OLFM3: variants seen among roughly 807,000 people sequenced by gnomAD.
OLFM3 encodes the protein olfactomedin 3.
OLFM3 carries 20 observed loss-of-function variants against 48.6 expected under a neutral mutation model. The ratio of observed to expected loss-of-function variants is 0.41; its 90% CI spans 0.29 to 0.60. The LOEUF (loss-of-function observed/expected upper bound fraction) is 0.60, where lower values mean the gene tolerates loss of function less well. OLFM3 is among the 20% of genes least tolerant of loss of function. The pLI is 0.28. For synonymous variants in OLFM3, 222 were observed against 198.1 expected, an observed-to-expected ratio of 1.12 and a Z score of -1.01; for missense variants, 437 against 544.3, an observed-to-expected ratio of 0.80 and a Z score of 1.96.
intron 1 of OLFM3, chr1:101,893,978 G>C (rs146055697): frequency 6.5e-6 from 1 of 153,454 alleles, no homozygotes; most frequent in Non-Finnish European, 1.5e-5. Flanking sequence ...AGCAAATGTG[G>C]GACCATTACA....
chr1:101,961,639 A>C (rs1474911826), intron 1 of OLFM3, among the ~76,000 whole-genome samples: 2 of 152,184 alleles, frequency 1.3e-5, no homozygotes, highest in Non-Finnish European at 2.9e-5. Flanking sequence ...TAGTATTTCA[A>C]AACAGAGGAG....
At chr1:101,986,389 A>G (rs1245979467) in intron 1 of OLFM3, among the ~76,000 whole-genome samples, 1 of 152,092 alleles carries the variant, frequency 6.6e-6, no homozygotes, top group Non-Finnish European at 1.5e-5. Flanking sequence ...AACTTTACTG[A>G]CTTGCCCAGG....
chr1:101,925,910 G>A (rs1659257206), intron 1 of OLFM3, among the ~76,000 whole-genome samples: 1 of 152,078 alleles, frequency 6.6e-6, no homozygotes, highest in Non-Finnish European at 1.5e-5. Context: ...TCATTACCTA[G>A]CACTTGGCTT....
At position 101,864,196 on chromosome 1, in the gene OLFM3, C is replaced by CT. The variant is rs796105452; in HGVS notation, c.70-27172dup. Among the ~76,000 whole-genome samples the CT allele has an allele frequency of 2.1e-3, 305 of 147,072 alleles. 1 individual carries two copies. Among genetic ancestry groups the CT allele is most frequent in the African/African-American group, 5.6e-3 (227 of 40,382 alleles). ...ATGTGAATTTGTTCTGGTTCATATC[C>CT]TTTTTTTTTTTCCAAAATCTTTAAT... On this transcript the variant is annotated intron_variant, in intron 1 of 5. Transcript: ENST00000370103.
At position 101,875,445 on chromosome 1, in the gene OLFM3, AAAT is replaced by A. The variant is rs1481188364; in HGVS notation, c.70-38423_70-38421del. 2.0e-5 allele frequency among the ~76,000 whole-genome samples: 3 copies of A among 152,022 alleles called. No homozygotes were observed. In the East Asian group the frequency reaches 5.8e-4, roughly 29 times the overall value. On this transcript the variant is annotated intron_variant, in intron 1 of 5. Transcript: ENST00000370103. ...AAGGTACCATCTTAATGCAAGATGTAAATAATAGGAGAAACTATGTGCATGTCT... is the reference window on the plus strand; with the variant it reads ...AAGGTACCATCTTAATGCAAGATGTAAATAGGAGAAACTATGTGCATGTCT...
At chr1:101,867,135 T>A (rs1328232753) in intron 1 of OLFM3, among the ~76,000 whole-genome samples, 1 of 152,210 alleles carries the variant, frequency 6.6e-6, no homozygotes, top group Admixed American at 6.5e-5. Context: ...TGCATTGCTA[T>A]ACTTATTTTA....
At chr1:101,844,976 TTTGGATAA>T (rs1261379340) in intron 1 of OLFM3, among the ~76,000 whole-genome samples, 7 of 152,102 alleles carry the variant, frequency 4.6e-5, no homozygotes, top group Non-Finnish European at 8.8e-5. Context: ...TGAGCACTCA[TTTGGATAA>T]TTAGGGAAAT....
chr1:101,824,744 A>C (rs3906121), intron 4 of OLFM3, among the ~76,000 whole-genome samples: 2,101 of 152,268 alleles, frequency 0.014, 56 homozygotes, highest in African/African-American at 0.048. Flanking sequence ...GGAAAATAAA[A>C]TGTATATCCA....
chr1:101,924,605 C>A (rs1414779100), intron 1 of OLFM3, among the ~76,000 whole-genome samples: 3 of 152,138 alleles, frequency 2.0e-5, no homozygotes, highest in Non-Finnish European at 4.4e-5. Flanking sequence ...TCTGACAATT[C>A]TATGCAACAC....
At chr1:101,993,289 G>C (rs1303503952) in intron 1 of OLFM3, among the ~76,000 whole-genome samples, 1 of 152,028 alleles carries the variant, frequency 6.6e-6, no homozygotes, top group East Asian at 1.9e-4. Flanking sequence ...TTCAAATAAT[G>C]GTCCGCTAAA....
chr1:101,818,078 C>T (rs891107286), intron 4 of OLFM3, among the ~76,000 whole-genome samples: 2 of 152,002 alleles, frequency 1.3e-5, no homozygotes, highest in Non-Finnish European at 2.9e-5. Flanking sequence ...ACAGTTTCAC[C>T]TTTTAAATTA....
intron 1 of OLFM3, among the ~76,000 whole-genome samples, chr1:101,901,016 C>G (rs2101017993): frequency 6.6e-6 from 1 of 152,050 alleles, no homozygotes; most frequent in South Asian, 2.1e-4. Context: ...TAATCATATT[C>G]CTAGTAATAA....
intron 1 of OLFM3, among the ~76,000 whole-genome samples, chr1:101,972,023 G>A (rs1415097): frequency 0.53 from 80,231 of 151,592 alleles, 21,543 homozygotes; most frequent in East Asian, 0.73. Flanking sequence ...TAAACTTTTA[G>A]TTCAAAATTT....
intron 1 of OLFM3, among the ~76,000 whole-genome samples, chr1:101,912,173 C>T (rs1242117318): frequency 1.3e-5 from 2 of 152,068 alleles, no homozygotes; most frequent in African/African-American, 2.4e-5. Flanking sequence ...CAATCACATG[C>T]CTTTTCGGGT....
intron 5 of OLFM3, among the ~76,000 whole-genome samples, chr1:101,805,506 A>G (rs559954215): frequency 4.6e-5 from 7 of 151,842 alleles, no homozygotes; most frequent in Non-Finnish European, 1.0e-4. Flanking sequence ...GTAATAGGAC[A>G]TAAATAGAGC....
chr1:101,938,252 T>A (rs938038323), intron 1 of OLFM3, among the ~76,000 whole-genome samples: 4 of 152,192 alleles, frequency 2.6e-5, no homozygotes, highest in Non-Finnish European at 5.9e-5. Context: ...CCTCTCTCTA[T>A]AATCTATTGC....
intron 1 of OLFM3, among the ~76,000 whole-genome samples, chr1:101,870,783 T>G (rs1657049952): frequency 6.6e-6 from 1 of 152,092 alleles, no homozygotes; most frequent in Non-Finnish European, 1.5e-5. Flanking sequence ...TAGAGAGCTT[T>G]TTTAAAATAT....
chr1:101,900,059 T>C (rs1658341077), intron 1 of OLFM3, among the ~76,000 whole-genome samples: 1 of 152,206 alleles, frequency 6.6e-6, no homozygotes, highest in South Asian at 2.1e-4. Flanking sequence ...TTATAGGATA[T>C]TCCCTTATTC....
chr1:101,851,887 C>A (rs1283771153), intron 1 of OLFM3, among the ~76,000 whole-genome samples: 1 of 151,966 alleles, frequency 6.6e-6, no homozygotes, highest in Non-Finnish European at 1.5e-5. Flanking sequence ...CTGTTAAGAC[C>A]CAAATTTCCA....
Sources: allele counts gnomAD v4.1 joint callset (sites outside exome capture counted in the v4.1 genomes callset), GRCh38; gene constraint gnomAD v4.1.1; transcripts MANE v1.5; gene names NCBI Gene and HGNC (gene_info 2026-07-23, HGNC 2026-07-21).